The following PTPRN2 variants were observed in gnomAD, a reference collection of about 807,000 sequenced individuals.
PTPRN2 encodes receptor-type tyrosine-protein phosphatase N2.
Under a neutral mutation model 118.8 loss-of-function variants are expected in PTPRN2, and 74 were observed. The observed-to-expected ratio is 0.62, with a 90% CI of 0.52 to 0.76. The LOEUF (loss-of-function observed/expected upper bound fraction) is 0.76. Ranked by LOEUF, PTPRN2 falls within the 30% of genes least tolerant of loss-of-function variation. PTPRN2 has a pLI of 0.00. For missense variants in PTPRN2, 1,481 were observed against 1,394.4 expected (o/e 1.06, Z -0.99); for synonymous variants, 641 against 608.0 (o/e 1.05, Z -0.80).
intron 1 of PTPRN2, among the ~76,000 whole-genome samples, chr7:158,514,755 G>A (rs1823413681): frequency 6.6e-6 from 1 of 152,180 alleles, no homozygotes; most frequent in Admixed American, 6.5e-5. Flanking sequence ...AGATATTTAT[G>A]AAAATAAAAC....
chr7:157,630,699 G>A (rs535975456), intron 14 of PTPRN2, among the ~76,000 whole-genome samples: 3 of 152,244 alleles, frequency 2.0e-5, no homozygotes, highest in African/African-American at 4.8e-5. Flanking sequence ...GAGTTTGCTC[G>A]GGAGAAGCAA....
intron 11 of PTPRN2, among the ~76,000 whole-genome samples, chr7:158,054,134 A>G (rs925777617): frequency 2.6e-5 from 4 of 152,118 alleles, no homozygotes; most frequent in African/African-American, 9.7e-5. Context: ...GACCCTAGAG[A>G]GCATGGGGGC....
At chr7:157,718,690 A>G (rs1275314862) in intron 12 of PTPRN2, among the ~76,000 whole-genome samples, 1 of 130,438 alleles carries the variant, frequency 7.7e-6, no homozygotes, top group Non-Finnish European at 1.6e-5. Context: ...GCCACTCTCC[A>G]TGGCCCCAGG....
intron 6 of PTPRN2, among the ~76,000 whole-genome samples, chr7:158,153,845 G>A (rs13239545): frequency 0.62 from 93,687 of 150,772 alleles, 30,189 homozygotes; most frequent in East Asian, 0.79. Context: ...GGTGGTGGTC[G>A]GGGGGACAGA....
rs1390103084 is a variant in PTPRN2 at position 157,591,486 on chromosome 7, C to T, written c.2496+3752G>A. ...ACTCAGCCTGTTGACTTCGTCATCA[C>T]CAACTTCGCATTTCAAATCCACCTT... On this transcript the variant is annotated intron_variant, in intron 17 of 22. Coordinates refer to ENST00000389418, the MANE Select transcript of PTPRN2 (RefSeq NM_002847.5). This position sits in a 1 kb window ranked among gnomAD's most constrained non-coding sequence, Gnocchi z 4.4. 6.6e-6 allele frequency among the ~76,000 whole-genome samples: 1 copy of T among 152,192 alleles called. No homozygotes were observed. Among genetic ancestry groups the T allele is most frequent in the African/African-American group, 2.4e-5 (1 of 41,452 alleles).
chr7:158,270,800 A>AC lies in PTPRN2; in HGVS notation c.277+46018dup, dbSNP rs1246539166. Among the ~76,000 whole-genome samples the AC allele has an allele frequency of 1.6e-3, 18 of 11,480 alleles. 1 individual carries two copies. The highest frequency in any genetic ancestry group is 6.2e-3 in the African/African-American group (12 of 1,940). The allele number at this position is 11,480 out of a possible 152,430, so 7.5% of individuals were successfully genotyped here. A position where few individuals can be genotyped will look rare whatever the true frequency, so the allele number is the denominator to read the frequency against. On this transcript the variant is annotated intron_variant, in intron 3 of 22. Coordinates refer to ENST00000389418, the MANE Select transcript of PTPRN2 (RefSeq NM_002847.5). ...CCTGGACCACCCCTCCACCTGGACC[A>AC]CCCCCTCACCTGGACCGCCCCCTCC...
At chr7:158,007,321 G>A (rs1805699037) in intron 11 of PTPRN2, among the ~76,000 whole-genome samples, 1 of 152,162 alleles carries the variant, frequency 6.6e-6, no homozygotes, top group African/African-American at 2.4e-5. Context: ...TGGGCAGGAA[G>A]GGTAAGCAGG....
intron 9 of PTPRN2, among the ~76,000 whole-genome samples, chr7:158,130,999 GAC>G (rs1161147227): frequency 6.8e-6 from 1 of 148,012 alleles, no homozygotes; most frequent in African/African-American, 2.5e-5. Context: ...TGCAGAAATC[GAC>G]ACACTACCTG....
chr7:157,801,516 A>C lies in PTPRN2; in HGVS notation c.1788+97157T>G, dbSNP rs938393283. 1.3e-5 allele frequency among the ~76,000 whole-genome samples: 2 copies of C among 152,094 alleles called. No homozygotes were observed. The highest frequency in any genetic ancestry group is 2.9e-5 in the Non-Finnish European group (2 of 68,028). ...TCCATATGAAACAGCACAAATCCCCATTTCTGCCCCACTGGGTTGAGAAAT... is the reference window on the plus strand; with the variant it reads ...TCCATATGAAACAGCACAAATCCCCCTTTCTGCCCCACTGGGTTGAGAAAT... On this transcript the variant is annotated intron_variant, in intron 12 of 22. Transcript: ENST00000389418. The surrounding 1 kb of genome is among the most constrained non-coding windows in gnomAD (Gnocchi z 4.2).
chr7:158,342,009 C>T (rs1282168717), intron 2 of PTPRN2, among the ~76,000 whole-genome samples: 5 of 148,020 alleles, frequency 3.4e-5, no homozygotes, highest in Non-Finnish European at 7.4e-5. Context: ...CACCTGCAGA[C>T]GTCACTCACA....
At chr7:158,381,497 C>T (rs146465330) in intron 2 of PTPRN2, among the ~76,000 whole-genome samples, 368 of 152,310 alleles carry the variant, frequency 2.4e-3, no homozygotes, top group African/African-American at 8.3e-3. Context: ...TCAGCCTGGA[C>T]TTTATTGTCC....
intron 12 of PTPRN2, among the ~76,000 whole-genome samples, chr7:157,816,166 C>T (rs954503376): frequency 6.6e-6 from 1 of 152,162 alleles, no homozygotes; most frequent in East Asian, 1.9e-4. Context: ...AGCCCAGAGA[C>T]CCCCCAGCCC....
At chr7:158,215,023 A>T (rs959512663) in intron 3 of PTPRN2, among the ~76,000 whole-genome samples, 1 of 152,268 alleles carries the variant, frequency 6.6e-6, no homozygotes, top group Non-Finnish European at 1.5e-5. Context: ...GAAAAGAGAC[A>T]ATCCACAGAA....
intron 2 of PTPRN2, among the ~76,000 whole-genome samples, chr7:158,466,518 T>A (rs1442159109): frequency 6.6e-6 from 1 of 152,240 alleles, no homozygotes; most frequent in East Asian, 1.9e-4. Context: ...TCTCCTTTTT[T>A]AAGGCTGAAT....
chr7:157,663,461 G>A (rs141758076), intron 13 of PTPRN2, among the ~76,000 whole-genome samples: 3 of 152,194 alleles, frequency 2.0e-5, no homozygotes, highest in South Asian at 4.1e-4. Context: ...CTGGAAATGC[G>A]CCAGTCTGCT....
intron 12 of PTPRN2, among the ~76,000 whole-genome samples, chr7:157,725,557 ACG>A (rs1799524602): frequency 7.7e-6 from 1 of 130,636 alleles, no homozygotes; most frequent in African/African-American, 3.1e-5. Context: ...GGATATCCAC[ACG>A]CAGAGGAGTG....
intron 11 of PTPRN2, among the ~76,000 whole-genome samples, chr7:158,047,881 G>A (rs1809001279): frequency 6.6e-6 from 1 of 152,198 alleles, no homozygotes; most frequent in South Asian, 2.1e-4. Flanking sequence ...ACCCACCAAT[G>A]TGGCATTACA....
At chr7:158,242,348 A>C (rs1395758621) in intron 3 of PTPRN2, among the ~76,000 whole-genome samples, 1 of 152,220 alleles carries the variant, frequency 6.6e-6, no homozygotes, top group Non-Finnish European at 1.5e-5. Flanking sequence ...TCTAAATCAA[A>C]AGCGTGTCTG....
intron 2 of PTPRN2, among the ~76,000 whole-genome samples, chr7:158,483,760 C>A (rs976996915): frequency 6.6e-6 from 1 of 152,200 alleles, no homozygotes; most frequent in South Asian, 2.1e-4. Context: ...CCTTGCCTAA[C>A]TGTATCCTCA....
Sources: gnomAD v4.1 joint callset for allele counts (sites outside exome capture counted in the v4.1 genomes callset) on GRCh38, gnomAD v4.1.1 for gene constraint, Gnocchi (gnomAD v3.1) non-coding constraint, MANE v1.5 for transcripts, NCBI Gene and HGNC (gene_info 2026-07-23, HGNC 2026-07-21) for gene names.